DIPK1A: variants seen among roughly 807,000 people sequenced by gnomAD.
DIPK1A encodes divergent protein kinase domain 1A, also known as family with sequence similarity 69 member A.
A neutral mutation model predicts 40.8 loss-of-function variants in DIPK1A; 27 were observed. The observed-to-expected ratio is 0.66, with a 90% CI of 0.49 to 0.91. The LOEUF is 0.91. Ranked by LOEUF, DIPK1A falls within the 40% of genes least tolerant of loss-of-function variation. DIPK1A has a pLI of 0.00. For missense variants in DIPK1A, 412 were observed against 505.7 expected, an observed-to-expected ratio of 0.81 and a Z score of 1.78; for synonymous variants, 166 against 171.3, an observed-to-expected ratio of 0.97 and a Z score of 0.24.
At chr1:92,866,170 C>T (rs1647527101) in intron 2 of DIPK1A, among the ~76,000 whole-genome samples, 1 of 152,170 alleles carries the variant, frequency 6.6e-6, no homozygotes, top group African/African-American at 2.4e-5. Flanking sequence ...GGCGTGATCT[C>T]AGCTCACTGC....
In DIPK1A at chr1:92,843,516, T is replaced by G; in HGVS notation, c.1154A>C (p.Glu385Ala). Residue 385 changes from glutamate to alanine, a missense_variant, in exon 5 of 5, where the codon GAA becomes GCA. Coordinates refer to ENST00000370310, the MANE Select transcript of DIPK1A (RefSeq NM_001006605.5). ...LRGAPSEIREELEKQLYSCIA... is the reference protein window; with the variant it reads ...LRGAPSEIREALEKQLYSCIA... ...ACAAGAATAAAGCTGCTTTTCTAAT[T>G]CTTCACGAATTTCACTTGGAGCACC... 1 of 1,551,970 alleles carries G rather than the reference T, an allele frequency of 6.4e-7. No homozygotes were observed. The highest frequency in any genetic ancestry group is 8.7e-7 in the Non-Finnish European group (1 of 1,147,050).
intron 2 of DIPK1A, among the ~76,000 whole-genome samples, chr1:92,859,848 T>C (rs909167064): frequency 1.3e-5 from 2 of 152,128 alleles, no homozygotes; most frequent in Non-Finnish European, 2.9e-5. Context: ...GGATTATAGG[T>C]GCATGCCACC....
At chr1:92,866,780 C>T (rs569526795) in intron 2 of DIPK1A, among the ~76,000 whole-genome samples, 154 of 152,328 alleles carry the variant, frequency 1.0e-3, no homozygotes, top group South Asian at 4.8e-3. Context: ...TGCCTGTAGA[C>T]AGCAGCTTCA....
At chr1:92,915,672 G>A (rs1650025648) in intron 1 of DIPK1A, among the ~76,000 whole-genome samples, 1 of 152,102 alleles carries the variant, frequency 6.6e-6, no homozygotes, top group African/African-American at 2.4e-5. Flanking sequence ...TTGCTAGTTG[G>A]GATGTAAAAT....
intron 1 of DIPK1A, among the ~76,000 whole-genome samples, chr1:92,896,359 C>T (rs942312573): frequency 7.9e-5 from 12 of 152,242 alleles, no homozygotes; most frequent in Admixed American, 4.6e-4. Context: ...CACATATCTA[C>T]AACTATCTGA....
chr1:92,855,464 C>T (rs1687954986), intron 2 of DIPK1A, among the ~76,000 whole-genome samples: 1 of 151,960 alleles, frequency 6.6e-6, no homozygotes, highest in Middle Eastern at 3.4e-3. Context: ...TTTGGGAGAT[C>T]AGGGCAGGAG....
At chr1:92,911,513 T>C (rs1017957144) in intron 1 of DIPK1A, among the ~76,000 whole-genome samples, 8 of 152,232 alleles carry the variant, frequency 5.3e-5, no homozygotes, top group Non-Finnish European at 8.8e-5. Flanking sequence ...GTTCCTTGCA[T>C]GGTATTGTTA....
intron 1 of DIPK1A, among the ~76,000 whole-genome samples, chr1:92,877,781 T>C (rs1648192636): frequency 1.3e-5 from 2 of 152,196 alleles, no homozygotes; most frequent in African/African-American, 4.8e-5. Flanking sequence ...GTATATACCA[T>C]GGGGTTTGTT....
chr1:92,867,786 G>T (rs1284580638), intron 2 of DIPK1A, among the ~76,000 whole-genome samples: 1 of 152,126 alleles, frequency 6.6e-6, no homozygotes, highest in Non-Finnish European at 1.5e-5. Context: ...GATTACAGGT[G>T]TGAGCCACCG....
At chr1:92,849,360 T>G (rs2391180) in intron 3 of DIPK1A, among the ~76,000 whole-genome samples, 55,919 of 151,406 alleles carry the variant, frequency 0.37, 12,101 homozygotes, top group East Asian at 0.72. Context: ...TTTTTTTTTT[T>G]TTTTTGAGAC....
At chr1:92,939,864 A>C (rs1400891974) in intron 1 of DIPK1A, among the ~76,000 whole-genome samples, 1 of 152,120 alleles carries the variant, frequency 6.6e-6, no homozygotes, top group East Asian at 1.9e-4. Flanking sequence ...AGGCAGGAGA[A>C]TCACTTGAAC....
chr1:92,834,704 C>A, intron 4 of DIPK1A: 1 of 1,581,880 alleles, frequency 6.3e-7, no homozygotes, highest in Non-Finnish European at 8.7e-7. Flanking sequence ...TTTTTTTATT[C>A]CCTTGAAAAA....
At chr1:92,848,870 T>G (rs1687717680) in intron 3 of DIPK1A, among the ~76,000 whole-genome samples, 1 of 152,230 alleles carries the variant, frequency 6.6e-6, no homozygotes. Context: ...ATAATAATAA[T>G]GCATATTTAT....
chr1:92,835,282 C>T (rs1557440194), intron 4 of DIPK1A: 3 of 344,734 alleles, frequency 8.7e-6, no homozygotes, highest in East Asian at 1.4e-4. Context: ...AATGCAGACT[C>T]GTGGGAACTC....
In DIPK1A at chr1:92,876,920, A is replaced by G. The variant is rs926930052; in HGVS notation, c.55-490T>C. ...CTCATACTGACAACCAGAACAAGAA[A>G]TTAAGCTCTACAGTCATTTCTATTT... On this transcript the variant is annotated intron_variant, in intron 1 of 4. Coordinates refer to ENST00000370310, the MANE Select transcript of DIPK1A (RefSeq NM_001006605.5). 3.3e-6 allele frequency: 3 copies of G among 922,352 alleles called. No individual in the cohort carries two copies. The African/African-American group carries it at 5.4e-5, about 16-fold the overall frequency. The allele number at this position is 922,352 out of a possible 1,614,324, so 57.1% of individuals were successfully genotyped here.
At position 92,833,683 on chromosome 1, in the gene DIPK1A, C is replaced by T. The variant is rs755086283; in HGVS notation, c.475-649G>A. ...CAGGTAAGTTGTATTCTAGACAGTC[C>T]CCTTTTTTTATTGCTAGAGAAATTG... On this transcript the variant is annotated intron_variant, in intron 4 of 4. Transcript: ENST00000615519. 50 of 1,577,196 alleles carry T rather than the reference C, an allele frequency of 3.2e-5. 1 individual carries two copies. Among genetic ancestry groups the T allele is most frequent in the East Asian group, 2.2e-5 (1 of 44,710 alleles).
chr1:92,842,461 T>C lies in DIPK1A; in HGVS notation c.*922A>G. The C allele has an allele frequency of 1.0e-6, 1 of 975,780 alleles. No individual in the cohort carries two copies. The highest frequency in any genetic ancestry group is 4.7e-5 in the South Asian group (1 of 21,092). 60.4% of individuals were successfully genotyped at this position (975,780 alleles called of 1,614,324 possible). A position where few individuals can be genotyped will look rare whatever the true frequency, so the allele number is the denominator to read the frequency against. On this transcript the variant is annotated 3_prime_UTR_variant, in exon 5 of 5. Transcript: ENST00000370310. ...AGAGGAGCAAATACTAAACCTTGTA[T>C]ATCAAGTTTACATGGGGAAAAAAAC...
chr1:92,903,208 G>A (rs1314537946), intron 1 of DIPK1A, among the ~76,000 whole-genome samples: 1 of 151,960 alleles, frequency 6.6e-6, no homozygotes, highest in African/African-American at 2.4e-5. Flanking sequence ...ACCACTCCAG[G>A]CTAATTTTTG....
chr1:92,894,493 C>T lies in DIPK1A; in HGVS notation c.55-18063G>A, dbSNP rs1649067969. On this transcript the variant is annotated intron_variant, in intron 1 of 4. Coordinates refer to ENST00000370310, the MANE Select transcript of DIPK1A (RefSeq NM_001006605.5). ...ACAACATACCAGAATCTCTGGAACA[C>T]ATTCAAAGCAGTGTGTAGAGGGAAA... 2.0e-5 allele frequency among the ~76,000 whole-genome samples: 3 copies of T among 152,050 alleles called. No homozygotes were observed. The South Asian group carries it at 6.2e-4, about 32-fold the overall frequency.
Sources: gnomAD v4.1 joint callset for allele counts (sites outside exome capture counted in the v4.1 genomes callset) on GRCh38, gnomAD v4.1.1 for gene constraint, MANE v1.5 for transcripts, NCBI Gene and HGNC (gene_info 2026-07-23, HGNC 2026-07-21) for gene names.